Variants in TENM4 observed in about 807,000 individuals in gnomAD.
The protein encoded by TENM4 is teneurin transmembrane protein 4.
A neutral mutation model predicts 243.3 loss-of-function variants in TENM4; 82 were observed. That is an observed-to-expected ratio of 0.34 (90% CI 0.28 to 0.40). The LOEUF (loss-of-function observed/expected upper bound fraction) is 0.40. Among genes scored for constraint, TENM4 ranks in the 10% least tolerant of loss-of-function variants. The pLI is 1.00. For missense variants in TENM4, 3,138 were observed against 3,673.3 expected (o/e 0.85, Z 3.77); for synonymous variants, 1,412 against 1,456.3 (o/e 0.97, Z 0.69).
chr11:79,329,166 T>C (rs1857021399), intron 1 of TENM4, among the ~76,000 whole-genome samples: 1 of 152,166 alleles, frequency 6.6e-6, no homozygotes, highest in South Asian at 2.1e-4. Flanking sequence ...CTCAATATAT[T>C]TTTCCTTTTC....
At chr11:78,991,465 T>C (rs1858044528) in intron 6 of TENM4, among the ~76,000 whole-genome samples, 1 of 152,220 alleles carries the variant, frequency 6.6e-6, no homozygotes, top group African/African-American at 2.4e-5. Flanking sequence ...ACTTGTTGAA[T>C]GCTTGTGCAT....
At position 79,069,893 on chromosome 11, in the gene TENM4, C is replaced by A. The variant is rs1368080725; in HGVS notation, c.52G>T (p.Ala18Ser). ...PYRSLTRRRD[A>S]ERRYTSSSAD... ...GACGAGCTGGTGTAGCGGCGCTCGG[C>A]GTCGCGGCGCCGGGTCAGCGAGCGG... The change falls in exon 5 of 34, where the codon GCC (alanine) becomes TCC (serine). Residue 18 changes from alanine (A) to serine (S), a missense_variant. Ala to Ser is a moderately conservative substitution (Grantham distance 99). Transcript: ENST00000278550. 2 of 1,548,402 alleles carry A rather than the reference C, an allele frequency of 1.3e-6. No individual in the cohort carries two copies. Among genetic ancestry groups the A allele is most frequent in the Non-Finnish European group, 1.7e-6 (2 of 1,146,736 alleles).
intron 6 of TENM4, among the ~76,000 whole-genome samples, chr11:78,976,114 C>T (rs1172544576): frequency 3.3e-5 from 5 of 152,334 alleles, no homozygotes; most frequent in Non-Finnish European, 5.9e-5. Flanking sequence ...TATGAGTTTA[C>T]TTCCTTGATC....
At chr11:78,877,370 C>T (rs1441064277) in intron 9 of TENM4, among the ~76,000 whole-genome samples, 2 of 152,210 alleles carry the variant, frequency 1.3e-5, no homozygotes, top group African/African-American at 4.8e-5. Flanking sequence ...CTAACTTCTC[C>T]TCCAGTTAGG....
chr11:79,154,753 T>C (rs771669700), intron 3 of TENM4, among the ~76,000 whole-genome samples: 5 of 152,006 alleles, frequency 3.3e-5, no homozygotes, highest in Non-Finnish European at 7.4e-5. Context: ...CTCTACATTC[T>C]CAGAGCCCTT....
In TENM4 at chr11:79,072,143, T is replaced by C. The variant is rs115253712; in HGVS notation, c.-65-2134A>G. Among the ~76,000 whole-genome samples the C allele has an allele frequency of 3.3e-3, 507 of 152,212 alleles. 2 individuals carry two copies. Among genetic ancestry groups the C allele is most frequent in the African/African-American group, 0.012 (490 of 41,522 alleles). On this transcript the variant is annotated intron_variant, in intron 4 of 33. Transcript: ENST00000278550. ...CAAGGGAAGATCAGTGATAGTACCT[T>C]CTACTCCAGGGTTTTAAAAACTTTC...
At chr11:79,385,145 G>T (rs908361675) in intron 1 of TENM4, among the ~76,000 whole-genome samples, 1 of 152,046 alleles carries the variant, frequency 6.6e-6, no homozygotes, top group Non-Finnish European at 1.5e-5. Context: ...TAGGCCAGTG[G>T]CTTTCACCTT....
chr11:79,246,801 C>T (rs563154806), intron 2 of TENM4, among the ~76,000 whole-genome samples: 5 of 152,038 alleles, frequency 3.3e-5, no homozygotes, highest in African/African-American at 9.6e-5. Flanking sequence ...TGTGTTACTA[C>T]GAGGTGGAGG....
intron 2 of TENM4, among the ~76,000 whole-genome samples, chr11:79,250,664 C>T (rs1356469010): frequency 2.6e-5 from 4 of 152,234 alleles, no homozygotes; most frequent in African/African-American, 7.2e-5. Context: ...ATTAACCCAA[C>T]ATTAGACACA....
intron 2 of TENM4, among the ~76,000 whole-genome samples, chr11:79,282,353 G>C (rs1209718989): frequency 6.6e-6 from 1 of 152,172 alleles, no homozygotes; most frequent in Admixed American, 6.5e-5. Context: ...TCCAGGGCCT[G>C]GCACAGGAAA....
At chr11:79,399,968 C>T (rs552431295) in intron 1 of TENM4, among the ~76,000 whole-genome samples, 59 of 152,134 alleles carry the variant, frequency 3.9e-4, no homozygotes, top group Admixed American at 6.5e-4. Context: ...AAACTCCCAC[C>T]CAAGGCAGAA....
chr11:79,335,157 GAT>G (rs1857126862), intron 1 of TENM4, among the ~76,000 whole-genome samples: 2 of 152,200 alleles, frequency 1.3e-5, no homozygotes, highest in African/African-American at 4.8e-5. Context: ...GATTGGGCCT[GAT>G]TGTTTTCTAG....
intron 6 of TENM4, among the ~76,000 whole-genome samples, chr11:78,991,294 C>G (rs1858037873): frequency 1.8e-5 from 1 of 56,588 alleles, no homozygotes; most frequent in Non-Finnish European, 4.1e-5. Context: ...AACTTCACAT[C>G]CCTTTTGAGG....
chr11:78,825,969 G>A (rs567752837), intron 12 of TENM4, among the ~76,000 whole-genome samples: 1 of 152,052 alleles, frequency 6.6e-6, no homozygotes, highest in East Asian at 1.9e-4. Context: ...AACAGGTTCT[G>A]AGGAAGTGGG....
chr11:79,247,260 T>C (rs921197476), intron 2 of TENM4, among the ~76,000 whole-genome samples: 1 of 151,420 alleles, frequency 6.6e-6, no homozygotes, highest in Non-Finnish European at 1.5e-5. Context: ...CTACTAAAAA[T>C]ACAAAAATTA....
chr11:78,894,327 A>G (rs1330782797), intron 7 of TENM4, among the ~76,000 whole-genome samples: 2 of 152,300 alleles, frequency 1.3e-5, no homozygotes, highest in African/African-American at 2.4e-5. Flanking sequence ...CCATTTTAAG[A>G]TACAGAGTCA....
At chr11:79,235,984 G>A (rs763737331) in intron 2 of TENM4, among the ~76,000 whole-genome samples, 5 of 152,038 alleles carry the variant, frequency 3.3e-5, no homozygotes, top group African/African-American at 4.8e-5. Context: ...GGAGAAAGCC[G>A]CTGCTGCCCT....
intron 2 of TENM4, among the ~76,000 whole-genome samples, chr11:79,270,601 T>C (rs1855952530): frequency 6.6e-6 from 1 of 152,080 alleles, no homozygotes; most frequent in Non-Finnish European, 1.5e-5. Context: ...CTCACCCCCA[T>C]CCCAGTGAAC....
At chr11:78,935,688 C>A (rs1251017061) in intron 6 of TENM4, among the ~76,000 whole-genome samples, 1 of 152,150 alleles carries the variant, frequency 6.6e-6, no homozygotes, top group Non-Finnish European at 1.5e-5. Context: ...TTGCTATGTT[C>A]TAGTGCTGTG....
Sources: gnomAD v4.1 joint callset for allele counts (sites outside exome capture counted in the v4.1 genomes callset) on GRCh38, gnomAD v4.1.1 for gene constraint, MANE v1.5 for transcripts, NCBI Gene and HGNC (gene_info 2026-07-23, HGNC 2026-07-21) for gene names.